PLCB4: variants seen among roughly 807,000 people sequenced by gnomAD.
The protein encoded by PLCB4 is phospholipase C beta 4.
A neutral mutation model predicts 178.8 loss-of-function variants in PLCB4; 77 were observed. The observed-to-expected ratio is 0.43, with a 90% confidence interval of 0.36 to 0.52. The LOEUF (loss-of-function observed/expected upper bound fraction) is 0.52. PLCB4 is among the 20% of genes least tolerant of loss of function. PLCB4 has a pLI of 0.00. For missense variants in PLCB4, 1,024 were observed against 1,453.4 expected, an observed-to-expected ratio of 0.70 and a Z score of 4.80; for synonymous variants, 496 against 490.8, an observed-to-expected ratio of 1.01 and a Z score of -0.14.
chr20:9,154,811 C>A (rs1483305554), intron 2 of PLCB4, among the ~76,000 whole-genome samples: 1 of 143,116 alleles, frequency 7.0e-6, no homozygotes, highest in African/African-American at 2.6e-5. Flanking sequence ...CCTTTCTTTT[C>A]CTTTCCTTTC....
chr20:9,230,426 A>G (rs192113873), intron 3 of PLCB4, among the ~76,000 whole-genome samples: 1 of 152,260 alleles, frequency 6.6e-6, no homozygotes, highest in Admixed American at 6.5e-5. Context: ...AAAGTGGGTC[A>G]AAGTTCAGGG....
At chr20:9,332,766 T>G (rs2031878571) in intron 4 of PLCB4, among the ~76,000 whole-genome samples, 1 of 152,206 alleles carries the variant, frequency 6.6e-6, no homozygotes, top group African/African-American at 2.4e-5. Context: ...TAGGACCTTA[T>G]GACAGGCATT....
At chr20:9,282,964 G>A (rs965684913) in intron 3 of PLCB4, among the ~76,000 whole-genome samples, 1 of 151,998 alleles carries the variant, frequency 6.6e-6, no homozygotes, top group South Asian at 2.1e-4. Flanking sequence ...TCATGCCTCT[G>A]ATTTGTTTCA....
At chr20:9,209,135 G>T (rs988740692) in intron 2 of PLCB4, among the ~76,000 whole-genome samples, 1 of 152,108 alleles carries the variant, frequency 6.6e-6, no homozygotes, top group Non-Finnish European at 1.5e-5. Flanking sequence ...TTAGTTTAAG[G>T]TCAAGAGGAG....
chr20:9,468,414 T>C (rs1209092678), intron 35 of PLCB4, among the ~76,000 whole-genome samples, 157 bp from the exon 36 acceptor site: 3 of 152,238 alleles, frequency 2.0e-5, no homozygotes, highest in East Asian at 1.9e-4. Context: ...GTTGTAACCA[T>C]TAAGTGCATG....
intron 28 of PLCB4, among the ~76,000 whole-genome samples, chr20:9,429,646 C>G (rs1425251282): frequency 6.6e-6 from 1 of 152,232 alleles, no homozygotes; most frequent in African/African-American, 2.4e-5. Flanking sequence ...TCTCTGATTA[C>G]AGATTATTTT....
At chr20:9,186,426 A>G (rs979871510) in intron 2 of PLCB4, among the ~76,000 whole-genome samples, 36 of 152,092 alleles carry the variant, frequency 2.4e-4, no homozygotes, top group Middle Eastern at 3.4e-3. Context: ...GGCTCTTTTC[A>G]GGAAAGGGCC....
chr20:9,245,464 T>G (rs749279311), intron 3 of PLCB4, among the ~76,000 whole-genome samples: 22 of 152,272 alleles, frequency 1.4e-4, no homozygotes, highest in Middle Eastern at 6.8e-3. Flanking sequence ...GATAAACAGA[T>G]AGGCCCTGCC....
intron 9 of PLCB4, among the ~76,000 whole-genome samples, chr20:9,366,941 C>T (rs758102895): frequency 6.6e-6 from 1 of 152,234 alleles, no homozygotes; most frequent in Non-Finnish European, 1.5e-5. Flanking sequence ...ATCTGTCTTT[C>T]AGAAATAACC....
rs143962815 is a variant in PLCB4, at chr20:9,114,804, C to T, written c.-79+18462C>T. 3.3e-4 allele frequency among the ~76,000 whole-genome samples: 51 copies of T among 152,258 alleles called. 1 individual carries two copies. The South Asian group carries it at 5.6e-3, about 17-fold the overall frequency. On this transcript the variant is annotated intron_variant, in intron 2 of 39. Transcript: ENST00000378473. ...ATGGCTTCCTAAGATGCCTGAGTAA[C>T]GACATTTCTTCCTGTCAAAGCACAC... is the stretch of plus-strand genomic sequence containing the variant.
At chr20:9,104,411 G>T (rs1309220805) in intron 2 of PLCB4, among the ~76,000 whole-genome samples, 1 of 152,128 alleles carries the variant, frequency 6.6e-6, no homozygotes, top group Non-Finnish European at 1.5e-5. Context: ...CAAGGAGTGG[G>T]AATACAGACT....
intron 33 of PLCB4, among the ~76,000 whole-genome samples, chr20:9,454,716 A>G (rs574413424): frequency 1.1e-3 from 160 of 152,244 alleles, no homozygotes; most frequent in Non-Finnish European, 1.9e-3. Context: ...ATCTAAGTTC[A>G]TGACATGAAA....
At chr20:9,346,800 G>A (rs978917293) in intron 7 of PLCB4, among the ~76,000 whole-genome samples, 1 of 152,132 alleles carries the variant, frequency 6.6e-6, no homozygotes, top group South Asian at 2.1e-4. Context: ...AGGATAATGG[G>A]TTTTATTGTT....
intron 7 of PLCB4, among the ~76,000 whole-genome samples, chr20:9,359,406 C>T (rs909276469): frequency 6.6e-6 from 1 of 152,150 alleles, no homozygotes; most frequent in East Asian, 1.9e-4. Context: ...GCCCTCAAGT[C>T]CCTTGAAGAG....
intron 12 of PLCB4, among the ~76,000 whole-genome samples, chr20:9,379,235 G>A (rs748369288): frequency 3.9e-5 from 6 of 152,098 alleles, no homozygotes; most frequent in Non-Finnish European, 8.8e-5. Flanking sequence ...TTGGAGCTGA[G>A]TAAGTTAGTA....
intron 2 of PLCB4, among the ~76,000 whole-genome samples, chr20:9,129,266 A>C (rs1295251537): frequency 6.6e-6 from 1 of 152,162 alleles, no homozygotes; most frequent in Non-Finnish European, 1.5e-5. Flanking sequence ...TATGGGCCGA[A>C]AAGTCAGTCC....
At chr20:9,320,813 T>C (rs1283456266) in intron 4 of PLCB4, among the ~76,000 whole-genome samples, 1 of 152,116 alleles carries the variant, frequency 6.6e-6, no homozygotes, top group East Asian at 1.9e-4. Context: ...ATCAGCAACA[T>C]TTGTGAGCTT....
At chr20:9,347,219 G>A (rs543369844) in intron 7 of PLCB4, among the ~76,000 whole-genome samples, 16 of 152,198 alleles carry the variant, frequency 1.1e-4, no homozygotes, top group Non-Finnish European at 2.2e-4. Context: ...CTGTTGAGGG[G>A]GGCACTTTCA....
intron 29 of PLCB4, among the ~76,000 whole-genome samples, chr20:9,436,507 G>A (rs1203180116): frequency 6.6e-6 from 1 of 152,064 alleles, no homozygotes; most frequent in Non-Finnish European, 1.5e-5. Context: ...GCATGCCACT[G>A]TGCCTGGCTA....
Sources: allele counts gnomAD v4.1 joint callset (sites outside exome capture counted in the v4.1 genomes callset), GRCh38; gene constraint gnomAD v4.1.1; transcripts MANE v1.5; gene names NCBI Gene and HGNC (gene_info 2026-07-23, HGNC 2026-07-21).